The following SHC4 variants were observed in gnomAD, a reference collection of about 807,000 sequenced individuals.
SHC4 encodes SHC-transforming protein 4.
Under a neutral mutation model 69.4 loss-of-function variants are expected in SHC4, and 41 were observed. The observed-to-expected ratio is 0.59, with a 90% confidence interval of 0.46 to 0.77. The LOEUF is 0.77. SHC4 is among the 30% of genes least tolerant of loss of function. The probability of loss-of-function intolerance (pLI) is 0.00; values close to 1 mark genes in which losing one functional copy is unlikely to be tolerated. For synonymous variants in SHC4, 318 were observed against 299.3 expected, an observed-to-expected ratio of 1.06 and a Z score of -0.64; for missense variants, 777 against 783.8, an observed-to-expected ratio of 0.99 and a Z score of 0.10.
rs180781405 is a variant in SHC4, at chr15:48,942,180, A to T, written c.586-17231T>A. Reference sequence around the variant, plus strand: ...GTGACCTGTTAGTCAGTATTTTTTTAAAAAAACAAAAACCCTAGATTCATA... The same window carrying T: ...GTGACCTGTTAGTCAGTATTTTTTTTAAAAAACAAAAACCCTAGATTCATA... On this transcript the variant is annotated intron_variant, in intron 1 of 11. Coordinates refer to ENST00000332408, the MANE Select transcript of SHC4 (RefSeq NM_203349.4). Among the ~76,000 whole-genome samples, 933 of 139,436 alleles carry T rather than the reference A, an allele frequency of 6.7e-3. 8 individuals are homozygous for T. The highest frequency in any genetic ancestry group is 0.022 in the African/African-American group (892 of 40,692). The allele number at this position is 139,436 out of a possible 152,430, so 91.5% of individuals were successfully genotyped here.
At position 48,871,942 on chromosome 15, in the gene SHC4, T is replaced by C. The variant is rs1050110856; in HGVS notation, c.894+147A>G. ...TTTTATTATCTGCTACATGTAGCTA[T>C]TCACAGACTGTAATAGTATGTTAGG... On this transcript the variant is annotated intron_variant, in intron 5 of 11. Transcript: ENST00000332408. 2.1e-5 allele frequency: 12 copies of C among 577,228 alleles called. No individual in the cohort carries two copies. The African/African-American group carries it at 2.4e-4, about 11-fold the overall frequency. The allele number at this position is 577,228 out of a possible 1,614,324, so 35.8% of individuals were successfully genotyped here.
chr15:48,859,649 T>C (rs938382214), intron 6 of SHC4, among the ~76,000 whole-genome samples: 2 of 152,204 alleles, frequency 1.3e-5, no homozygotes, highest in Admixed American at 1.3e-4. Flanking sequence ...GTGATTTCTC[T>C]GAATCATATG....
At position 48,962,907 on chromosome 15, in the gene SHC4, A is replaced by C. The variant is rs1481890933; in HGVS notation, c.109T>G (p.Ser37Ala). ...CTACCTTCGTCCAAGGACGTGATCG[A>C]CTCGTTCCGAAAGCGGCTGTACTTG... is the stretch of plus-strand genomic sequence containing the variant. ...RAKYSRFRNE[S>A]ITSLDEGSSG... The change falls in exon 1 of 12, where the codon TCG (serine) becomes GCG (alanine). Residue 37 changes from serine (S) to alanine (A), a missense_variant. By Grantham distance (99) the Ser-to-Ala change is moderately conservative. Transcript: ENST00000332408. The C allele has an allele frequency of 6.2e-7, 1 of 1,613,080 alleles. No homozygotes were observed. The highest frequency in any genetic ancestry group is 8.5e-7 in the Non-Finnish European group (1 of 1,179,994).
chr15:48,957,686 G>C (rs1901477671), intron 1 of SHC4, among the ~76,000 whole-genome samples: 1 of 152,228 alleles, frequency 6.6e-6, no homozygotes, highest in Non-Finnish European at 1.5e-5. Flanking sequence ...GTTTTGGGTT[G>C]AATTATGTCC....
chr15:48,860,072 G>A (rs1395195427), intron 6 of SHC4, among the ~76,000 whole-genome samples: 2 of 152,078 alleles, frequency 1.3e-5, no homozygotes, highest in Non-Finnish European at 2.9e-5. Flanking sequence ...AAGAAAGAGA[G>A]AGAGAGCTTA....
chr15:48,946,709 T>TCC, intron 1 of SHC4: 1 of 431,854 alleles, frequency 2.3e-6, no homozygotes, highest in Non-Finnish European at 3.1e-6. Context: ...GAACATTCTC[T>TCC]CCCCAGAACA....
At chr15:48,948,349 G>T (rs193003815) in intron 1 of SHC4, among the ~76,000 whole-genome samples, 2 of 152,206 alleles carry the variant, frequency 1.3e-5, no homozygotes, top group Admixed American at 6.5e-5. Flanking sequence ...AATAGGAAAC[G>T]CATTGTGAGA....
At chr15:48,849,121 C>T (rs952103762) in intron 9 of SHC4, among the ~76,000 whole-genome samples, 3 of 151,684 alleles carry the variant, frequency 2.0e-5, no homozygotes, top group African/African-American at 7.3e-5. Flanking sequence ...GTAGGTTCGA[C>T]ACTCATCTTT....
intron 1 of SHC4, among the ~76,000 whole-genome samples, chr15:48,942,418 C>T (rs563197786): frequency 6.6e-6 from 1 of 152,038 alleles, no homozygotes; most frequent in Admixed American, 6.6e-5. Context: ...ATAACCAACA[C>T]CTTCAAGATG....
intron 4 of SHC4, chr15:48,880,105 C>T (rs1228071011): frequency 6.0e-6 from 1 of 167,020 alleles, no homozygotes; most frequent in African/African-American, 2.4e-5. Flanking sequence ...CAGGTTTTAT[C>T]ATGATCAGTA....
At chr15:48,833,840 GTTC>G (rs998020009) in intron 11 of SHC4, among the ~76,000 whole-genome samples, 14 of 152,224 alleles carry the variant, frequency 9.2e-5, no homozygotes, top group African/African-American at 3.1e-4. Flanking sequence ...AAGTGAAATT[GTTC>G]TTCTTACCAG....
At chr15:48,842,406 G>A (rs1193285189) in intron 10 of SHC4, among the ~76,000 whole-genome samples, 1 of 152,154 alleles carries the variant, frequency 6.6e-6, no homozygotes, top group Non-Finnish European at 1.5e-5. Context: ...TTCAGCAAAA[G>A]TACGTAGTAG....
At chr15:48,841,772 C>G (rs531926700) in intron 10 of SHC4, among the ~76,000 whole-genome samples, 1 of 152,196 alleles carries the variant, frequency 6.6e-6, no homozygotes, top group Non-Finnish European at 1.5e-5. Context: ...TTAGCATCTG[C>G]TTCCAGAGAA....
rs1034665499 is a variant in SHC4 at position 48,878,190 on chromosome 15, C to T, written c.841-6048G>A. On this transcript the variant is annotated intron_variant, in intron 4 of 11. Coordinates refer to ENST00000332408, the MANE Select transcript of SHC4 (RefSeq NM_203349.4). ...GCGGTTTGCACAATGTCGGAAATGGCTGAGTTGTCCGAGCTGTATGAAGAG... is the reference window on the plus strand; with the variant it reads ...GCGGTTTGCACAATGTCGGAAATGGTTGAGTTGTCCGAGCTGTATGAAGAG... 2.6e-6 allele frequency: 4 copies of T among 1,559,386 alleles called. No homozygotes were observed. In the African/African-American group the frequency reaches 4.1e-5, roughly 16 times the overall value.
At chr15:48,923,546 A>G (rs1279362047) in intron 2 of SHC4, among the ~76,000 whole-genome samples, 1 of 2,664 alleles carries the variant, frequency 3.8e-4, no homozygotes, top group Non-Finnish European at 8.2e-3. Context: ...CTCTGTCTCA[A>G]AAAAAAAAAA....
rs1898661833 is a variant in SHC4, at chr15:48,825,149, T to G, written c.*822A>C. 6.6e-6 allele frequency: 1 copy of G among 150,598 alleles called. No homozygotes were observed. The highest frequency in any genetic ancestry group is 2.1e-4 in the South Asian group (1 of 4,802). 9.3% of individuals were successfully genotyped at this position (150,598 alleles called of 1,614,324 possible). A position where few individuals can be genotyped will look rare whatever the true frequency, so the allele number is the denominator to read the frequency against. ...TTTTAAATCCATGCACTCATGAGGT[T>G]TTTTTTGTTTTTTTTGTTTTTTGTT... On this transcript the variant is annotated 3_prime_UTR_variant, in exon 12 of 12. Coordinates refer to ENST00000332408, the MANE Select transcript of SHC4 (RefSeq NM_203349.4).
At chr15:48,848,240 G>A (rs987471486) in intron 9 of SHC4, among the ~76,000 whole-genome samples, 4 of 152,092 alleles carry the variant, frequency 2.6e-5, no homozygotes, top group African/African-American at 9.7e-5. Flanking sequence ...TGGAGAGATA[G>A]CCTCTGAGCA....
chr15:48,912,393 G>A (rs1160143871), intron 2 of SHC4, among the ~76,000 whole-genome samples: 1 of 152,064 alleles, frequency 6.6e-6, no homozygotes, highest in African/African-American at 2.4e-5. Context: ...ACTTTCCAGA[G>A]CATTTCACAT....
At chr15:48,863,955 T>C (rs1899503110) in intron 6 of SHC4, among the ~76,000 whole-genome samples, 1 of 152,200 alleles carries the variant, frequency 6.6e-6, no homozygotes, top group African/African-American at 2.4e-5. Context: ...ACATACTCCC[T>C]AGGGCTGCTG....
Sources: allele counts gnomAD v4.1 joint callset (sites outside exome capture counted in the v4.1 genomes callset), GRCh38; gene constraint gnomAD v4.1.1; transcripts MANE v1.5; gene names NCBI Gene and HGNC (gene_info 2026-07-23, HGNC 2026-07-21).